Variants in JPH3 observed in about 807,000 individuals in gnomAD.
JPH3 encodes junctophilin-3.
A neutral mutation model predicts 59.6 loss-of-function variants in JPH3; 11 were observed. The ratio of observed to expected loss-of-function variants is 0.18; its 90% CI spans 0.12 to 0.31. JPH3 has a LOEUF of 0.31. Among genes scored for constraint, JPH3 ranks in the 10% least tolerant of loss-of-function variants. JPH3 has a pLI of 1.00. For synonymous variants in JPH3, 673 were observed against 483.6 expected, an observed-to-expected ratio of 1.39 and a Z score of -5.14; for missense variants, 1,202 against 1,105.7, an observed-to-expected ratio of 1.09 and a Z score of -1.24.
intron 2 of JPH3, among the ~76,000 whole-genome samples, chr16:87,651,629 G>T (rs2032327236): frequency 6.6e-6 from 1 of 152,256 alleles, no homozygotes; most frequent in South Asian, 2.1e-4. Context: ...AATAGCAAGA[G>T]AACTGGAATT....
chr16:87,667,241 A>G (rs887912241), intron 2 of JPH3, among the ~76,000 whole-genome samples: 2 of 152,320 alleles, frequency 1.3e-5, no homozygotes, highest in South Asian at 2.1e-4. Flanking sequence ...GCCCACCTGT[A>G]TAACCGAGGA....
At chr16:87,652,598 GT>G (rs1355249477) in intron 2 of JPH3, among the ~76,000 whole-genome samples, 1 of 152,226 alleles carries the variant, frequency 6.6e-6, no homozygotes, top group African/African-American at 2.4e-5. Flanking sequence ...CGAGTAGCGT[GT>G]GGGGAGGGTG....
chr16:87,655,970 CTGAGTGGGACTGCTG>C (rs1276235435), intron 2 of JPH3, among the ~76,000 whole-genome samples: 1 of 152,246 alleles, frequency 6.6e-6, no homozygotes, highest in African/African-American at 2.4e-5. Flanking sequence ...CATAGATGTC[CTGAGTGGGACTGCTG>C]GGAGTGGGGC....
At chr16:87,631,031 A>T (rs1274628388) in intron 1 of JPH3, among the ~76,000 whole-genome samples, 1 of 152,026 alleles carries the variant, frequency 6.6e-6, no homozygotes, top group South Asian at 2.1e-4. Flanking sequence ...TTCAGTTGCA[A>T]TTTTCTTTAA....
intron 1 of JPH3, among the ~76,000 whole-genome samples, chr16:87,624,021 C>G (rs1446378774): frequency 1.3e-5 from 2 of 152,170 alleles, no homozygotes; most frequent in African/African-American, 4.8e-5. Context: ...GGTAACTGTG[C>G]GGCCCTCCCC....
chr16:87,662,114 C>A (rs2032723463), intron 2 of JPH3, among the ~76,000 whole-genome samples: 2 of 152,220 alleles, frequency 1.3e-5, no homozygotes, highest in South Asian at 4.1e-4. Flanking sequence ...TACGGTCATC[C>A]CTCAAGAGGG....
rs142674980 is a variant in JPH3, at chr16:87,603,413, C to T, written c.267C>T (p.His89=). ...GGGTGTACAAGGGCGAGTGGACGCA[C>T]GGATTCAAGGGGCGCTACGGGGTGC... ...GKWVYKGEWT[H]GFKGRYGVRE... is the part of the protein sequence containing the mutation. Residue 89 remains histidine, a synonymous_variant, in exon 1 of 5, where the codon CAC becomes CAT. Coordinates refer to ENST00000284262, the MANE Select transcript of JPH3 (RefSeq NM_020655.4). 23 of 1,588,558 alleles carry T rather than the reference C, an allele frequency of 1.4e-5. No individual in the cohort carries two copies. In the East Asian group the frequency reaches 5.1e-4, roughly 35 times the overall value.
intron 2 of JPH3, among the ~76,000 whole-genome samples, chr16:87,656,961 T>C (rs373418048): frequency 6.2e-4 from 94 of 151,858 alleles, no homozygotes; most frequent in East Asian, 2.9e-3. Context: ...TCTCCTCCTC[T>C]TCTTATAAGG....
intron 3 of JPH3, 123 bp downstream of exon 3, chr16:87,684,389 C>A (rs1162432188): frequency 7.0e-7 from 1 of 1,435,112 alleles, no homozygotes; most frequent in Non-Finnish European, 9.4e-7. Context: ...CCCAGCTGCT[C>A]CCCTGCCCGG....
intron 4 of JPH3, chr16:87,695,237 C>T (rs1228210719): frequency 4.5e-6 from 2 of 445,710 alleles, no homozygotes; most frequent in African/African-American, 4.0e-5. Flanking sequence ...GCCACATGAG[C>T]TACTCAGTCT....
At position 87,603,548 on chromosome 16, in the gene JPH3, C is replaced by A. The variant is rs936102988; in HGVS notation, c.382+20C>A. ...ACGGAGGTAGGTGCCGCGGGCCGGG[C>A]CGGGCCGGGGCGGGAGGGACGTGCT... On this transcript the variant is annotated intron_variant, in intron 1 of 4. Coordinates refer to ENST00000284262, the MANE Select transcript of JPH3 (RefSeq NM_020655.4). 9.1e-6 allele frequency: 14 copies of A among 1,542,566 alleles called. No individual in the cohort carries two copies. The highest frequency in any genetic ancestry group is 1.2e-5 in the South Asian group (1 of 83,050).
chr16:87,674,713 A>G (rs979889429), intron 2 of JPH3, among the ~76,000 whole-genome samples: 2 of 152,190 alleles, frequency 1.3e-5, no homozygotes, highest in African/African-American at 4.8e-5. Context: ...CATTCTGTAC[A>G]TTGTAAAATT....
chr16:87,642,710 T>C (rs2031994642), intron 1 of JPH3, among the ~76,000 whole-genome samples: 1 of 152,198 alleles, frequency 6.6e-6, no homozygotes, highest in Non-Finnish European at 1.5e-5. Flanking sequence ...GTTTGCCGCG[T>C]TGGGCGTCGT....
intron 2 of JPH3, among the ~76,000 whole-genome samples, chr16:87,682,896 C>G (rs1164411919): frequency 6.6e-6 from 1 of 152,252 alleles, no homozygotes; most frequent in Non-Finnish European, 1.5e-5. Context: ...TGCTGAGATG[C>G]ACAGAGCCCC....
chr16:87,685,840 C>T (rs1274050618), intron 3 of JPH3, among the ~76,000 whole-genome samples: 1 of 152,194 alleles, frequency 6.6e-6, no homozygotes, highest in Non-Finnish European at 1.5e-5. Context: ...AACATTGAAG[C>T]CTCCATCCTG....
At chr16:87,622,493 C>T (rs985332151) in intron 1 of JPH3, among the ~76,000 whole-genome samples, 3 of 141,082 alleles carry the variant, frequency 2.1e-5, no homozygotes, top group African/African-American at 5.0e-5. Flanking sequence ...CAGGCAGCCT[C>T]TCCTTCCTGT....
intron 4 of JPH3, among the ~76,000 whole-genome samples, chr16:87,691,580 G>A (rs977291554): frequency 2.0e-5 from 3 of 152,146 alleles, no homozygotes; most frequent in Non-Finnish European, 4.4e-5. Flanking sequence ...ACCTAGGGGA[G>A]CTGTGGTTTT....
chr16:87,656,756 C>G (rs2032515898), intron 2 of JPH3, among the ~76,000 whole-genome samples: 2 of 152,216 alleles, frequency 1.3e-5, no homozygotes, highest in South Asian at 4.1e-4. Flanking sequence ...CGCCTTTCTC[C>G]TCTGCCTTGT....
Position 87,689,843 on chromosome 16 carries a change from A to C in JPH3, c.1483A>C (p.Arg495=). The change falls in exon 4 of 5, where the codon AGG becomes CGG. Residue 495 remains arginine (R), a synonymous_variant. Coordinates refer to ENST00000284262, the MANE Select transcript of JPH3 (RefSeq NM_020655.4). ...AATPPPAPAA[R]NKVAHFSRQV... ...CACCCCGCCGCCCGCGCCCGCCGCC[A>C]GGAACAAGGTCGCCCACTTCTCGAG... 6.5e-7 allele frequency: 1 copy of C among 1,535,956 alleles called. No homozygotes were observed. The highest frequency in any genetic ancestry group is 2.4e-5 in the East Asian group (1 of 41,628).
Sources: gnomAD v4.1 joint callset for allele counts (sites outside exome capture counted in the v4.1 genomes callset) on GRCh38, gnomAD v4.1.1 for gene constraint, MANE v1.5 for transcripts, NCBI Gene and HGNC (gene_info 2026-07-23, HGNC 2026-07-21) for gene names.